Variants in TMED5 observed in about 807,000 individuals in gnomAD.
TMED5 encodes the protein transmembrane emp24 domain-containing protein 5.
TMED5 carries 27 observed loss-of-function variants against 23.0 expected under a neutral mutation model. That is an observed-to-expected ratio of 1.17 (90% confidence interval 0.86 to 1.62). The LOEUF is 1.62. TMED5 is among the 40% of genes most tolerant of loss of function. The pLI, the probability that TMED5 is intolerant of heterozygous loss-of-function variation, is 0.00. For missense variants in TMED5, 248 were observed against 273.7 expected (o/e 0.91, Z 0.66); for synonymous variants, 97 against 100.8 (o/e 0.96, Z 0.23).
chr1:93,157,988 G>A (rs1453264844), intron 2 of TMED5, among the ~76,000 whole-genome samples: 2 of 152,040 alleles, frequency 1.3e-5, no homozygotes, highest in East Asian at 3.9e-4. Context: ...GCCGGGCGTG[G>A]TGGCGGGCGC....
At chr1:93,154,947 A>T in intron 3 of TMED5, 59 bp from the exon 4 acceptor site, 2 of 1,276,820 alleles carry the variant, frequency 1.6e-6, no homozygotes, top group Non-Finnish European at 2.2e-6. Context: ...TAACTTAATT[A>T]AAAAATGAGG....
chr1:93,157,746 A>T (rs1403577426), intron 2 of TMED5, among the ~76,000 whole-genome samples: 1 of 152,212 alleles, frequency 6.6e-6, no homozygotes, highest in Non-Finnish European at 1.5e-5. Flanking sequence ...AGCCTACTTA[A>T]GAAAAACCAG....
chr1:93,153,406 A>T lies in TMED5; in HGVS notation c.*1264T>A, dbSNP rs1647946388. ...ATAAAAATTTTTAATAAATATGTAC[A>T]CCCAGTGCTAAACCTTACAGTAGGG... On this transcript the variant is annotated 3_prime_UTR_variant, in exon 4 of 4. Transcript: ENST00000370282. 1 of 152,136 alleles carries T rather than the reference A, an allele frequency of 6.6e-6. No homozygotes were observed. The highest frequency in any genetic ancestry group is 1.5e-5 in the Non-Finnish European group (1 of 67,972). The allele number at this position is 152,136 out of a possible 1,614,324, so 9.4% of individuals were successfully genotyped here. A position where few individuals can be genotyped will look rare whatever the true frequency, so the allele number is the denominator to read the frequency against.
In TMED5 at chr1:93,154,873, T is replaced by C. The variant is rs373784430; in HGVS notation, c.487A>G (p.Ile163Val). The C allele has an allele frequency of 1.0e-5, 16 of 1,601,502 alleles. No homozygotes were observed. The highest frequency in any genetic ancestry group is 1.2e-5 in the Non-Finnish European group (14 of 1,170,834). The change falls in exon 4 of 4, where the codon ATC (isoleucine) becomes GTC (valine). Residue 163 changes from isoleucine to valine, a missense_variant. Physicochemically the swap from Ile to Val is conservative, Grantham distance 29 (BLOSUM62 3). Transcript: ENST00000370282. ...CCACTTTTGCTTAGTCTGGACTTGA[T>C]GCTGTTGATGGATTCCTGGAGATAA... ...LEDILESINS[I>V]KSRLSKSGHI...
At chr1:93,179,819 G>C (rs1649209553) in intron 1 of TMED5, 1 of 502,938 alleles carries the variant, frequency 2.0e-6, no homozygotes, top group Non-Finnish European at 3.5e-6. Flanking sequence ...CCCACCGGAG[G>C]AAAGGGGAGA....
At chr1:93,158,347 CTGGCA>C (rs1399479307) in intron 2 of TMED5, among the ~76,000 whole-genome samples, 1 of 152,068 alleles carries the variant, frequency 6.6e-6, no homozygotes, top group African/African-American at 2.4e-5. Context: ...GAACACTGGC[CTGGCA>C]TATCAAAAGA....
At chr1:93,166,123 C>T (rs756548190) in intron 1 of TMED5, among the ~76,000 whole-genome samples, 2 of 152,228 alleles carry the variant, frequency 1.3e-5, no homozygotes, top group African/African-American at 2.4e-5. Flanking sequence ...AATAGTACTC[C>T]ATTGTGTATA....
intron 3 of TMED5, 122 bp from the exon 4 acceptor site, chr1:93,155,010 A>G: frequency 1.4e-6 from 1 of 691,698 alleles, no homozygotes; most frequent in Non-Finnish European, 2.4e-6. Context: ...AGACTAGGGC[A>G]GGAGGACCCC....
Position 93,180,083 on chromosome 1 carries a change from G to A in TMED5, c.160C>T (p.Leu54=). The A allele has an allele frequency of 6.2e-7, 1 of 1,613,522 alleles. No individual in the cohort carries two copies. Among genetic ancestry groups the A allele is most frequent in the Non-Finnish European group, 8.5e-7 (1 of 1,179,732 alleles). The change falls in exon 1 of 4, where the codon CTG becomes TTG. Residue 54 remains leucine (L), a synonymous_variant. Transcript: ENST00000370282. ...TACTCGATCTCCAGCGAGGCCTTCA[G>A]GGGCATGGGCTGGTAGAAGCACTCC... ...QKECFYQPMP[L]KASLEIEYQV...
At chr1:93,164,038 A>G (rs1048069640) in intron 1 of TMED5, among the ~76,000 whole-genome samples, 2 of 152,052 alleles carry the variant, frequency 1.3e-5, no homozygotes, top group African/African-American at 4.8e-5. Flanking sequence ...TTTCAATGGA[A>G]CATGATGGGG....
chr1:93,164,780 T>G (rs1225254490), intron 1 of TMED5, among the ~76,000 whole-genome samples: 1 of 152,236 alleles, frequency 6.6e-6, no homozygotes, highest in African/African-American at 2.4e-5. Flanking sequence ...GATGGGTAGC[T>G]TCTGACATGG....
rs745899607 is a variant in TMED5, at chr1:93,154,894, GATAA to G, written c.472-10_472-7del. The G allele has an allele frequency of 2.6e-6, 4 of 1,544,806 alleles. No individual in the cohort carries two copies. Among genetic ancestry groups the G allele is most frequent in the Non-Finnish European group, 3.5e-6 (4 of 1,136,836 alleles). On this transcript the variant is annotated splice_region_variant and splice_polypyrimidine_tract_variant and intron_variant, in intron 3 of 3. Coordinates refer to ENST00000370282, the MANE Select transcript of TMED5 (RefSeq NM_016040.5). ...TTGATGCTGTTGATGGATTCCTGGA[GATAA>G]ATAAAATAATTTTATTATTAAAGAA...
intron 1 of TMED5, among the ~76,000 whole-genome samples, chr1:93,175,200 T>TATATATATAA (rs1491197514): frequency 2.3e-4 from 29 of 123,996 alleles, no homozygotes; most frequent in African/African-American, 8.3e-4. Context: ...TATATATATA[T>TATATATATAA]AAATGGACCT....
At chr1:93,164,575 C>T (rs1048127305) in intron 1 of TMED5, among the ~76,000 whole-genome samples, 1 of 152,112 alleles carries the variant, frequency 6.6e-6, no homozygotes, top group Non-Finnish European at 1.5e-5. Context: ...TATAAGCTTA[C>T]ACATCAAGCA....
intron 2 of TMED5, among the ~76,000 whole-genome samples, chr1:93,157,846 C>T (rs1380144417): frequency 6.6e-6 from 1 of 152,150 alleles, no homozygotes; most frequent in East Asian, 1.9e-4. Flanking sequence ...ATTTGTAGGC[C>T]GGGCACAGTG....
chr1:93,175,175 T>TTATATATATATATATATATATATATATA lies in TMED5; in HGVS notation c.189+4878_189+4879insTATATATATATATATATATATATATATA, dbSNP rs201008342. Among the ~76,000 whole-genome samples the TTATATATATATATATATATATATATATA allele has an allele frequency of 7.1e-4, 85 of 119,810 alleles. 2 individuals carry two copies. Among genetic ancestry groups the TTATATATATATATATATATATATATATA allele is most frequent in the African/African-American group, 3.1e-3 (77 of 24,912 alleles). 78.6% of individuals were successfully genotyped at this position (119,810 alleles called of 152,430 possible). A position where few individuals can be genotyped will look rare whatever the true frequency, so the allele number is the denominator to read the frequency against. ...TATTTATATAATACTTAAAAGCCAT[T>TTATATATATATATATATATATATATATA]TATATATATATATATATATATATAT... On this transcript the variant is annotated intron_variant, in intron 1 of 3. Coordinates refer to ENST00000370282, the MANE Select transcript of TMED5 (RefSeq NM_016040.5).
At chr1:93,161,212 T>G (rs1648262745) in intron 1 of TMED5, 1 of 152,118 alleles carries the variant, frequency 6.6e-6, no homozygotes, top group Admixed American at 6.5e-5. Context: ...GTCCTATTAT[T>G]CTCATTTTAG....
chr1:93,174,708 T>A (rs540781932), intron 1 of TMED5, among the ~76,000 whole-genome samples: 1 of 152,306 alleles, frequency 6.6e-6, no homozygotes, highest in Admixed American at 6.5e-5. Flanking sequence ...GTTCTTACCA[T>A]TTAGCTCTCA....
At chr1:93,175,371 T>C (rs1200061956) in intron 1 of TMED5, among the ~76,000 whole-genome samples, 3 of 146,992 alleles carry the variant, frequency 2.0e-5, no homozygotes, top group Non-Finnish European at 4.5e-5. Context: ...TGTTTTTTTA[T>C]ATACATATTT....
Sources: gnomAD v4.1 joint callset for allele counts (sites outside exome capture counted in the v4.1 genomes callset) on GRCh38, gnomAD v4.1.1 for gene constraint, MANE v1.5 for transcripts, NCBI Gene and HGNC (gene_info 2026-07-23, HGNC 2026-07-21) for gene names.